MEGF10: variants seen among roughly 807,000 people sequenced by gnomAD.
The protein encoded by MEGF10 is multiple EGF like domains 10.
Under a neutral mutation model 147.5 loss-of-function variants are expected in MEGF10, and 86 were observed. The ratio of observed to expected loss-of-function variants is 0.58; its 90% CI spans 0.49 to 0.70. The LOEUF is 0.70. Ranked by LOEUF, MEGF10 falls within the 30% of genes least tolerant of loss-of-function variation. MEGF10 has a pLI of 0.00. For missense variants in MEGF10, 1,329 were observed against 1,487.3 expected (o/e 0.89, Z 1.75); for synonymous variants, 478 against 525.5 (o/e 0.91, Z 1.24).
Position 127,387,142 on chromosome 5 carries a change from A to G in MEGF10, c.413-9390A>G, listed in dbSNP as rs578184361. Among the ~76,000 whole-genome samples, 19 of 152,346 alleles carry G rather than the reference A, an allele frequency of 1.2e-4. No individual in the cohort carries two copies. In the East Asian group the frequency reaches 3.7e-3, roughly 29 times the overall value. ...GGGCAAAATGAGTTCATCTATTTTTATCAATTGCTTGGTTGGTTGCTGATA... is the reference window on the plus strand; with the variant it reads ...GGGCAAAATGAGTTCATCTATTTTTGTCAATTGCTTGGTTGGTTGCTGATA... On this transcript the variant is annotated intron_variant, in intron 5 of 24. Coordinates refer to ENST00000503335, the MANE Select transcript of MEGF10 (RefSeq NM_001256545.2).
At chr5:127,404,386 G>A (rs1337059555) in intron 8 of MEGF10, among the ~76,000 whole-genome samples, 2 of 151,944 alleles carry the variant, frequency 1.3e-5, no homozygotes, top group African/African-American at 2.4e-5. Flanking sequence ...AAGTAATTGC[G>A]GTTTTTACCA....
At chr5:127,400,504 C>T (rs1440967890) in intron 7 of MEGF10, among the ~76,000 whole-genome samples, 1 of 152,198 alleles carries the variant, frequency 6.6e-6, no homozygotes, top group African/African-American at 2.4e-5. Context: ...TTTCTGACTC[C>T]TCCTGTTCTT....
intron 17 of MEGF10, among the ~76,000 whole-genome samples, chr5:127,438,804 G>A (rs894109635): frequency 1.3e-5 from 2 of 152,198 alleles, no homozygotes; most frequent in African/African-American, 4.8e-5. Context: ...GTGATGGTAT[G>A]CAGTTTATTT....
chr5:127,322,302 C>T (rs993060647), intron 1 of MEGF10, among the ~76,000 whole-genome samples: 29 of 152,236 alleles, frequency 1.9e-4, no homozygotes, highest in African/African-American at 6.7e-4. Context: ...TCCTTTCCCA[C>T]TCACTTTCAC....
At chr5:127,252,228 A>T in the MEGF10 span, among the ~76,000 whole-genome samples, 1 of 151,788 alleles carries the variant, frequency 6.6e-6, no homozygotes, top group African/African-American at 2.4e-5. Flanking sequence ...TAAGATTAAA[A>T]CTGCCTTTTT....
At chr5:127,313,527 C>G (rs1321794424) in intron 1 of MEGF10, among the ~76,000 whole-genome samples, 1 of 152,190 alleles carries the variant, frequency 6.6e-6, no homozygotes, top group African/African-American at 2.4e-5. Flanking sequence ...TTTGTACACA[C>G]TTATATGCAC....
chr5:127,373,874 G>C (rs1762933014), intron 5 of MEGF10, among the ~76,000 whole-genome samples: 1 of 152,156 alleles, frequency 6.6e-6, no homozygotes, highest in African/African-American at 2.4e-5. Context: ...GCTGGAGAGG[G>C]CACAGTCACA....
intron 5 of MEGF10, among the ~76,000 whole-genome samples, chr5:127,381,202 A>C (rs1355217787): frequency 6.6e-6 from 1 of 152,248 alleles, no homozygotes; most frequent in African/African-American, 2.4e-5. Context: ...AATGCATACA[A>C]ACTGCAAATG....
Position 127,459,216 on chromosome 5 carries a change from C to T in MEGF10, c.*1898C>T, listed in dbSNP as rs1450548095. 7 of 152,146 alleles carry T rather than the reference C, an allele frequency of 4.6e-5. No homozygotes were observed. Among genetic ancestry groups the T allele is most frequent in the African/African-American group, 1.4e-4 (6 of 41,440 alleles). The allele number at this position is 152,146 out of a possible 1,614,324, so 9.4% of individuals were successfully genotyped here. A position where few individuals can be genotyped will look rare whatever the true frequency, so the allele number is the denominator to read the frequency against. On this transcript the variant is annotated 3_prime_UTR_variant, in exon 25 of 25. Transcript: ENST00000503335. ...GAATATCCAGTTATTTCATGTCACA[C>T]ATCGGCACGTATGATGGTGGTTTGG...
At chr5:127,445,392 A>C in intron 19 of MEGF10, 65 bp from the exon 20 acceptor site, 1 of 1,253,496 alleles carries the variant, frequency 8.0e-7, no homozygotes, top group South Asian at 1.2e-5. Context: ...AGGTTTTTGT[A>C]AGTAGAGATC....
intron 1 of MEGF10, among the ~76,000 whole-genome samples, chr5:127,304,266 C>CAA (rs1272916883): frequency 6.6e-6 from 1 of 152,188 alleles, no homozygotes; most frequent in Non-Finnish European, 1.5e-5. Context: ...GACCCTGAAT[C>CAA]AAGAAGTCTT....
At chr5:127,381,288 A>C (rs145910160) in intron 5 of MEGF10, among the ~76,000 whole-genome samples, 1 of 152,352 alleles carries the variant, frequency 6.6e-6, no homozygotes, top group East Asian at 1.9e-4. Context: ...GAATTTCATT[A>C]ATCTTCTTAG....
chr5:127,293,324 CTCTG>C (rs1356367338), intron 1 of MEGF10, among the ~76,000 whole-genome samples: 62 of 152,320 alleles, frequency 4.1e-4, no homozygotes, highest in African/African-American at 1.3e-3. Flanking sequence ...AAGCGTTTAT[CTCTG>C]TCTGTCTTTC....
chr5:127,289,597 CA>C (rs1206298188), upstream of MEGF10, among the ~76,000 whole-genome samples: 1 of 152,154 alleles, frequency 6.6e-6, no homozygotes, highest in African/African-American at 2.4e-5. Context: ...AACAAATAAA[CA>C]AACACCAAAA....
At chr5:127,346,761 C>T (rs895923620) in intron 4 of MEGF10, among the ~76,000 whole-genome samples, 1 of 151,812 alleles carries the variant, frequency 6.6e-6, no homozygotes, top group African/African-American at 2.4e-5. Context: ...TTTGCTTTTG[C>T]GTTCTTGGTC....
At chr5:127,261,658 C>A in the MEGF10 span, among the ~76,000 whole-genome samples, 5 of 152,098 alleles carry the variant, frequency 3.3e-5, no homozygotes, top group African/African-American at 1.2e-4. Flanking sequence ...CTAACTCTAA[C>A]CTTTTGAAGA....
Position 127,360,278 on chromosome 5 carries a change from A to T in MEGF10, c.320-9632A>T, listed in dbSNP as rs369052249. ...TGAGGTTATTGTAAATGGCTATTCA[A>T]TTTCTGATTGTTGCTAATATATAGA... is the stretch of plus-strand genomic sequence containing the variant. On this transcript the variant is annotated intron_variant, in intron 4 of 24. Coordinates refer to ENST00000503335, the MANE Select transcript of MEGF10 (RefSeq NM_001256545.2). 6.6e-5 allele frequency among the ~76,000 whole-genome samples: 10 copies of T among 152,090 alleles called. 1 individual carries two copies. Among genetic ancestry groups the T allele is most frequent in the Admixed American group, 4.6e-4 (7 of 15,286 alleles).
the MEGF10 span, among the ~76,000 whole-genome samples, chr5:127,244,359 G>A: frequency 2.0e-4 from 29 of 145,556 alleles, no homozygotes; most frequent in Admixed American, 5.5e-4. Flanking sequence ...GTGACAGTGC[G>A]AGACTCCGAA....
At chr5:127,401,237 G>T (rs573283132) in intron 7 of MEGF10, among the ~76,000 whole-genome samples, 1 of 152,250 alleles carries the variant, frequency 6.6e-6, no homozygotes, top group South Asian at 2.1e-4. Flanking sequence ...AGACTAGAGC[G>T]ATTTTTACAT....
Sources: gnomAD v4.1 joint callset for allele counts (sites outside exome capture counted in the v4.1 genomes callset) on GRCh38, gnomAD v4.1.1 for gene constraint, MANE v1.5 for transcripts, NCBI Gene and HGNC (gene_info 2026-07-23, HGNC 2026-07-21) for gene names.